DLGAP1: variants seen among roughly 807,000 people sequenced by gnomAD.
DLGAP1 encodes DLG associated protein 1.
In DLGAP1, 11 loss-of-function variants were observed where a neutral mutation model predicts 90.8. That is an observed-to-expected ratio of 0.12 (90% confidence interval 0.08 to 0.20). DLGAP1 has a LOEUF of 0.20. Ranked by LOEUF, DLGAP1 falls within the 10% of genes least tolerant of loss-of-function variation. The probability of loss-of-function intolerance (pLI) is 1.00; values close to 1 mark genes in which losing one functional copy is unlikely to be tolerated. For missense variants in DLGAP1, 1,050 were observed against 1,333.8 expected, an observed-to-expected ratio of 0.79 and a Z score of 3.31; for synonymous variants, 558 against 540.7, an observed-to-expected ratio of 1.03 and a Z score of -0.44.
intron 1 of DLGAP1, among the ~76,000 whole-genome samples, chr18:4,398,828 G>GT (rs1473682868): frequency 2.0e-5 from 3 of 151,884 alleles, no homozygotes; most frequent in African/African-American, 4.8e-5. Context: ...CAAGAGTGCC[G>GT]TTTTTTTGTT....
intron 3 of DLGAP1, among the ~76,000 whole-genome samples, chr18:3,998,799 T>C (rs1982245): frequency 0.25 from 38,252 of 152,034 alleles, 4,895 homozygotes; most frequent in Middle Eastern, 0.34. Flanking sequence ...AGACTACCAC[T>C]AGCAAAATGA....
intron 10 of DLGAP1, among the ~76,000 whole-genome samples, chr18:3,509,744 G>C (rs563166119): frequency 2.6e-4 from 39 of 152,196 alleles, no homozygotes; most frequent in Non-Finnish European, 4.1e-4. Context: ...CACATTCTGA[G>C]CGACGGAAAC....
intron 7 of DLGAP1, among the ~76,000 whole-genome samples, chr18:3,628,846 A>G (rs2058412165): frequency 6.6e-6 from 1 of 152,200 alleles, no homozygotes; most frequent in Admixed American, 6.5e-5. Flanking sequence ...ATATGAAAAT[A>G]CCATTTCATT....
chr18:4,126,875 T>G (rs186781190), intron 2 of DLGAP1, among the ~76,000 whole-genome samples: 116 of 152,296 alleles, frequency 7.6e-4, no homozygotes, highest in African/African-American at 2.6e-3. Flanking sequence ...TGTCCCAGAT[T>G]AATGAAACCT....
chr18:4,448,873 T>TCAAG (rs1404844591), intron 1 of DLGAP1, among the ~76,000 whole-genome samples: 2 of 152,188 alleles, frequency 1.3e-5, no homozygotes, highest in Non-Finnish European at 2.9e-5. Context: ...GAGATCAGCC[T>TCAAG]CAAGCAAGAA....
At chr18:3,523,108 C>T (rs1165671377) in intron 10 of DLGAP1, among the ~76,000 whole-genome samples, 1 of 152,204 alleles carries the variant, frequency 6.6e-6, no homozygotes, top group Non-Finnish European at 1.5e-5. Context: ...CACAGTGGCT[C>T]ACGCCTGTAA....
At chr18:3,778,014 T>C (rs2065013483) in intron 5 of DLGAP1, among the ~76,000 whole-genome samples, 1 of 152,212 alleles carries the variant, frequency 6.6e-6, no homozygotes, top group African/African-American at 2.4e-5. Context: ...TTTTGCTTTT[T>C]ACCAGCCCTT....
At chr18:3,957,075 G>C (rs1168256559) in intron 3 of DLGAP1, among the ~76,000 whole-genome samples, 2 of 152,198 alleles carry the variant, frequency 1.3e-5, no homozygotes, top group African/African-American at 4.8e-5. Flanking sequence ...CATGGCAACA[G>C]GGACTTTGCA....
chr18:3,782,432 C>T lies in DLGAP1; in HGVS notation c.1172+31627G>A, dbSNP rs1208406218. Among the ~76,000 whole-genome samples the T allele has an allele frequency of 5.3e-5, 8 of 152,190 alleles. No individual in the cohort carries two copies. The South Asian group carries it at 6.2e-4, about 12-fold the overall frequency. ...GATTACAGGCGTGAGCCACTGAGCC[C>T]GGCCTTGGTCCAAGATTTAAAGTAT... On this transcript the variant is annotated intron_variant, in intron 5 of 12. Coordinates refer to ENST00000315677, the MANE Select transcript of DLGAP1 (RefSeq NM_004746.4).
chr18:4,338,966 T>G (rs2081131782), intron 1 of DLGAP1, among the ~76,000 whole-genome samples: 1 of 152,228 alleles, frequency 6.6e-6, no homozygotes, highest in African/African-American at 2.4e-5. Flanking sequence ...CTTTCCAATT[T>G]ATATAGCTCT....
At chr18:3,523,632 G>A (rs562875472) in intron 10 of DLGAP1, among the ~76,000 whole-genome samples, 114 of 152,122 alleles carry the variant, frequency 7.5e-4, no homozygotes, top group African/African-American at 1.8e-3. Context: ...CGGATCACGA[G>A]GTCAGGAGAT....
At chr18:4,082,535 G>C (rs1456665431) in intron 2 of DLGAP1, among the ~76,000 whole-genome samples, 1 of 89,430 alleles carries the variant, frequency 1.1e-5, no homozygotes, top group Non-Finnish European at 2.2e-5. Context: ...AAAAAAAAAA[G>C]AAGGGTGTAT....
chr18:4,248,304 C>G (rs116781164), intron 1 of DLGAP1, among the ~76,000 whole-genome samples: 1,929 of 152,222 alleles, frequency 0.013, 35 homozygotes, highest in African/African-American at 0.043. Flanking sequence ...GAGCAGGAGC[C>G]CGAACCATAC....
chr18:3,906,945 AAAC>A (rs1401042042), intron 3 of DLGAP1, among the ~76,000 whole-genome samples: 4 of 152,252 alleles, frequency 2.6e-5, no homozygotes, highest in African/African-American at 4.8e-5. Context: ...TATTTTAAAA[AAAC>A]AACAATACCG....
intron 1 of DLGAP1, among the ~76,000 whole-genome samples, chr18:4,443,516 CT>C (rs2083587524): frequency 6.6e-6 from 1 of 152,136 alleles, no homozygotes; most frequent in African/African-American, 2.4e-5. Context: ...TAGAGTAATA[CT>C]ATTTAGTTTA....
chr18:3,882,188 G>C (rs1483218621), intron 3 of DLGAP1, among the ~76,000 whole-genome samples: 1 of 152,112 alleles, frequency 6.6e-6, no homozygotes, highest in Non-Finnish European at 1.5e-5. Flanking sequence ...AGCTTGACTA[G>C]GCTAATTTGA....
intron 5 of DLGAP1, among the ~76,000 whole-genome samples, chr18:3,778,916 G>A (rs1034169380): frequency 2.0e-5 from 3 of 152,098 alleles, no homozygotes; most frequent in African/African-American, 7.2e-5. Context: ...TGTAAGTCAC[G>A]TGGCGTTTAT....
chr18:4,437,582 T>C (rs534125038), intron 1 of DLGAP1, among the ~76,000 whole-genome samples: 18 of 152,328 alleles, frequency 1.2e-4, no homozygotes, highest in East Asian at 3.9e-4. Flanking sequence ...TTGTCCATGT[T>C]CAGTACAGAT....
intron 5 of DLGAP1, among the ~76,000 whole-genome samples, chr18:3,754,513 A>C (rs1419789183): frequency 6.6e-5 from 10 of 151,928 alleles, no homozygotes; most frequent in Non-Finnish European, 1.5e-4. Flanking sequence ...AGAATTAGGT[A>C]TATCACGAAT....
Sources: allele counts gnomAD v4.1 joint callset (sites outside exome capture counted in the v4.1 genomes callset), GRCh38; gene constraint gnomAD v4.1.1; transcripts MANE v1.5; gene names NCBI Gene and HGNC (gene_info 2026-07-23, HGNC 2026-07-21).